Variants in CAND1 observed in about 807,000 individuals in gnomAD.
CAND1 encodes the protein cullin-associated NEDD8-dissociated protein 1.
CAND1 carries 7 observed loss-of-function variants against 108.5 expected under a neutral mutation model. The ratio of observed to expected loss-of-function variants is 0.06; its 90% CI spans 0.04 to 0.12. CAND1 has a LOEUF of 0.12. Among genes scored for constraint, CAND1 ranks in the 10% least tolerant of loss-of-function variants. CAND1 has a pLI of 1.00. For missense variants in CAND1, 941 were observed against 1,448.7 expected (o/e 0.65, Z 5.69); for synonymous variants, 534 against 512.0 (o/e 1.04, Z -0.58).
intron 2 of CAND1, among the ~76,000 whole-genome samples, chr12:67,286,149 A>G (rs995470976): frequency 4.3e-4 from 65 of 152,182 alleles, no homozygotes; most frequent in African/African-American, 1.5e-3. Context: ...CTGGGACTAC[A>G]GGCACCCGCC....
intron 1 of CAND1, among the ~76,000 whole-genome samples, chr12:67,280,758 A>T (rs1280097291): frequency 6.6e-6 from 1 of 151,876 alleles, no homozygotes; most frequent in African/African-American, 2.4e-5. Context: ...TTTACCTGAG[A>T]CTCTATTTAT....
intron 1 of CAND1, among the ~76,000 whole-genome samples, chr12:67,273,329 GGAATAAA>G (rs1169904885): frequency 1.1e-4 from 17 of 152,048 alleles, no homozygotes; most frequent in African/African-American, 4.1e-4. Flanking sequence ...GTTCCATAAA[GGAATAAA>G]GAGTAAACCT....
At position 67,318,691 on chromosome 12, in the gene CAND1, AT is replaced by A. The variant is rs1294996724; in HGVS notation, c.*5864del. On this transcript the variant is annotated 3_prime_UTR_variant, in exon 15 of 15. Coordinates refer to ENST00000545606, the MANE Select transcript of CAND1 (RefSeq NM_018448.5). The stretch of plus-strand genomic sequence containing the variant: ...TTGTGTTCATTCATTTAGCAAGCCA[AT>A]TTATTACGCGCTTAGGGTGCTGCCA... 6.6e-6 allele frequency: 1 copy of A among 152,144 alleles called. No homozygotes were observed. The highest frequency in any genetic ancestry group is 1.5e-5 in the Non-Finnish European group (1 of 68,028). 9.4% of individuals were successfully genotyped at this position (152,144 alleles called of 1,614,324 possible).
At chr12:67,300,538 G>T (rs2044814847) in intron 7 of CAND1, among the ~76,000 whole-genome samples, 2 of 151,884 alleles carry the variant, frequency 1.3e-5, no homozygotes, top group Admixed American at 1.3e-4. Context: ...AGTTGATCAG[G>T]CCAAAAACCT....
In CAND1 at chr12:67,305,975, T is replaced by C; in HGVS notation, c.2307T>C (p.Asn769=). The change falls in exon 10 of 15, where the codon AAT becomes AAC. Residue 769 remains asparagine, a synonymous_variant. Transcript: ENST00000545606. The surrounding 1 kb of genome is among the most constrained non-coding windows in gnomAD (Gnocchi z 4.4). ...CTCTGGTTGTCACTGGAACAAATAA[T>C]TTAGGATACATGGATTTGTTGCGCA... The part of the protein sequence containing the change: ...FQALVVTGTN[N]LGYMDLLRML... 1.2e-6 allele frequency: 2 copies of C among 1,614,192 alleles called. No individual in the cohort carries two copies. The highest frequency in any genetic ancestry group is 1.7e-5 in the Admixed American group (1 of 60,030).
rs374617948 is a variant in CAND1 at position 67,307,379 on chromosome 12, C to G, written c.2930-18C>G. The G allele has an allele frequency of 3.1e-6, 5 of 1,587,336 alleles. No homozygotes were observed. Among genetic ancestry groups the G allele is most frequent in the Non-Finnish European group, 2.6e-6 (3 of 1,158,068 alleles). ...AGTGGACTACATACCAATAGACTTG[C>G]AATTTATTTTTAACTAGGCTCATCA... is the stretch of plus-strand genomic sequence containing the variant. On this transcript the variant is annotated intron_variant, in intron 10 of 14. Coordinates refer to ENST00000545606, the MANE Select transcript of CAND1 (RefSeq NM_018448.5).
At position 67,314,867 on chromosome 12, in the gene CAND1, C is replaced by T. The variant is rs1351188630; in HGVS notation, c.*2037C>T. On this transcript the variant is annotated 3_prime_UTR_variant, in exon 15 of 15. Transcript: ENST00000545606. ...GTTTATATACCTGTTTATATGCATACATTAACAAAATTAGTAACAGCAGTG... is the reference window on the plus strand; with the variant it reads ...GTTTATATACCTGTTTATATGCATATATTAACAAAATTAGTAACAGCAGTG... 1 of 152,130 alleles carries T rather than the reference C, an allele frequency of 6.6e-6. No individual in the cohort carries two copies. The highest frequency in any genetic ancestry group is 2.4e-5 in the African/African-American group (1 of 41,424). 9.4% of individuals were successfully genotyped at this position (152,130 alleles called of 1,614,324 possible). A position where few individuals can be genotyped will look rare whatever the true frequency, so the allele number is the denominator to read the frequency against.
intron 4 of CAND1, among the ~76,000 whole-genome samples, chr12:67,296,368 AG>A (rs1339846076): frequency 6.6e-6 from 1 of 152,170 alleles, no homozygotes; most frequent in East Asian, 1.9e-4. Flanking sequence ...TCAGTTTTTT[AG>A]TGTTGTGAAT....
At chr12:67,277,244 G>A (rs1407301309) in intron 1 of CAND1, among the ~76,000 whole-genome samples, 1 of 152,196 alleles carries the variant, frequency 6.6e-6, no homozygotes, top group African/African-American at 2.4e-5. Flanking sequence ...GAGTTAGCAA[G>A]TACTGAACCA....
At position 67,269,650 on chromosome 12, in the gene CAND1, GGCGGCGGCGGCAGCGGCA is replaced by G; in HGVS notation, c.-63_-46del. The stretch of plus-strand genomic sequence containing the variant: ...CGAGAGGAGGAGCTCCAGTGGCGGC[GGCGGCGGCGGCAGCGGCA>G]GCGGGCAGCAGCTCCAGCAGCGCCA... On this transcript the variant is annotated 5_prime_UTR_variant, in exon 1 of 15. Transcript: ENST00000545606. 1 of 1,400,892 alleles carries G rather than the reference GGCGGCGGCGGCAGCGGCA, an allele frequency of 7.1e-7. No homozygotes were observed. Among genetic ancestry groups the G allele is most frequent in the South Asian group, 1.2e-5 (1 of 83,374 alleles). The allele number at this position is 1,400,892 out of a possible 1,614,324, so 86.8% of individuals were successfully genotyped here. A position where few individuals can be genotyped will look rare whatever the true frequency, so the allele number is the denominator to read the frequency against.
At chr12:67,271,059 A>G (rs710622) in intron 1 of CAND1, among the ~76,000 whole-genome samples, 113,182 of 152,182 alleles carry the variant, frequency 0.74, 43,054 homozygotes, top group African/African-American at 0.9. Context: ...TATTAAAATA[A>G]TCAATGACCA....
At position 67,299,121 on chromosome 12, in the gene CAND1, T is replaced by C. The variant is rs776275317; in HGVS notation, c.1000+26T>C. 1.7e-5 allele frequency: 25 copies of C among 1,495,080 alleles called. No homozygotes were observed. In the Admixed American group the frequency reaches 5.6e-4, roughly 33 times the overall value. The allele number at this position is 1,495,080 out of a possible 1,614,324, so 92.6% of individuals were successfully genotyped here. A position where few individuals can be genotyped will look rare whatever the true frequency, so the allele number is the denominator to read the frequency against. ...GTATTGCAAATTAAATAGAATCTTT[T>C]GAGTTTTTGTGAAAGACACTTATAG... On this transcript the variant is annotated intron_variant, in intron 7 of 14. Transcript: ENST00000545606.
intron 14 of CAND1, 133 bp downstream of exon 14, chr12:67,311,933 C>T (rs752294433): frequency 8.7e-6 from 5 of 572,664 alleles, no homozygotes; most frequent in African/African-American, 3.8e-5. Context: ...GTTAACCTAT[C>T]GAATACTGAT....
intron 1 of CAND1, among the ~76,000 whole-genome samples, chr12:67,272,982 G>A (rs565662547): frequency 1.2e-4 from 19 of 152,136 alleles, no homozygotes; most frequent in African/African-American, 4.1e-4. Context: ...GGCCAGCACC[G>A]CATCCACCCA....
intron 7 of CAND1, among the ~76,000 whole-genome samples, chr12:67,300,672 G>C (rs1349759049): frequency 6.6e-6 from 1 of 151,930 alleles, no homozygotes; most frequent in East Asian, 1.9e-4. Flanking sequence ...TACTGTAATT[G>C]ATGGTCTCCT....
chr12:67,292,473 T>A, intron 2 of CAND1, 149 bp from the exon 3 acceptor site: 1 of 516,198 alleles, frequency 1.9e-6, no homozygotes, highest in Non-Finnish European at 3.2e-6. Context: ...CACAATTTTT[T>A]ATGTCATTTG....
At chr12:67,297,224 T>A (rs2044778136) in intron 4 of CAND1, 183 bp from the exon 5 acceptor site, 1 of 688,634 alleles carries the variant, frequency 1.5e-6, no homozygotes, top group South Asian at 1.6e-5. Flanking sequence ...TGCATTCACT[T>A]AGCTCAGGTT....
rs911793244 is a variant in CAND1, at chr12:67,318,841, G to A, written c.*6011G>A. The A allele has an allele frequency of 2.0e-5, 3 of 152,166 alleles. No individual in the cohort carries two copies. The highest frequency in any genetic ancestry group is 4.8e-5 in the African/African-American group (2 of 41,434). The allele number at this position is 152,166 out of a possible 1,614,324, so 9.4% of individuals were successfully genotyped here. ...GAGAGGTATACACGGGATACTGGGG[G>A]TTAATAATTGAGGGTATGGTCCATT... On this transcript the variant is annotated 3_prime_UTR_variant, in exon 15 of 15. Coordinates refer to ENST00000545606, the MANE Select transcript of CAND1 (RefSeq NM_018448.5).
intron 7 of CAND1, among the ~76,000 whole-genome samples, chr12:67,301,141 G>C (rs2044821335): frequency 6.6e-6 from 1 of 152,118 alleles, no homozygotes; most frequent in Non-Finnish European, 1.5e-5. Context: ...TATTTTGGCA[G>C]TATCTTTTAA....
Sources: gnomAD v4.1 joint callset for allele counts (sites outside exome capture counted in the v4.1 genomes callset) on GRCh38, gnomAD v4.1.1 for gene constraint, Gnocchi (gnomAD v3.1) non-coding constraint, MANE v1.5 for transcripts, NCBI Gene and HGNC (gene_info 2026-07-23, HGNC 2026-07-21) for gene names.